The following DEUP1 variants were observed in gnomAD, a reference collection of about 807,000 sequenced individuals.
DEUP1 encodes the protein deuterosome assembly protein 1, also known as coiled-coil domain containing 67.
A neutral mutation model predicts 87.4 loss-of-function variants in DEUP1; 82 were observed. That is an observed-to-expected ratio of 0.94 (90% CI 0.78 to 1.13). The LOEUF (loss-of-function observed/expected upper bound fraction) is 1.13, where lower values mean the gene tolerates loss of function less well. Ranked by LOEUF, DEUP1 falls within the 50% of genes most tolerant of loss-of-function variation. The pLI is 0.00. For missense variants in DEUP1, 663 were observed against 681.5 expected, an observed-to-expected ratio of 0.97 and a Z score of 0.30; for synonymous variants, 214 against 222.7, an observed-to-expected ratio of 0.96 and a Z score of 0.35.
intron 9 of DEUP1, among the ~76,000 whole-genome samples, chr11:93,393,505 A>C (rs750091263): frequency 6.6e-6 from 1 of 151,968 alleles, no homozygotes; most frequent in Non-Finnish European, 1.5e-5. Context: ...TCTAATTGGC[A>C]TTCATTCATC....
intron 12 of DEUP1, chr11:93,411,151 G>A (rs2134429588): frequency 6.6e-6 from 1 of 152,306 alleles, no homozygotes; most frequent in Non-Finnish European, 1.5e-5. Flanking sequence ...GTTAATGCTA[G>A]CAACTGAAAA....
Position 93,332,269 on chromosome 11 carries a change from C to A in DEUP1, c.10C>A (p.Gln4Lys), listed in dbSNP as rs371385177. The change falls in exon 2 of 14, where the codon CAA (glutamine) becomes AAA (lysine). Residue 4 changes from glutamine to lysine, a missense_variant. Coordinates refer to ENST00000298050, the MANE Select transcript of DEUP1 (RefSeq NM_181645.4). ...GTAGCAGTTTCTTGACATGGAGAAC[C>A]AAGCCCATAATACGATGGGGTAAGT... MENQAHNTMGTSPC... is the reference protein window; with the variant it reads MENKAHNTMGTSPC... 3.4e-5 allele frequency: 55 copies of A among 1,607,970 alleles called. No homozygotes were observed. The African/African-American group carries it at 6.8e-4, about 20-fold the overall frequency.
rs895426891 is a variant in DEUP1 at position 93,393,810 on chromosome 11, A to G, written c.1042-649A>G. Among the ~76,000 whole-genome samples the G allele has an allele frequency of 2.0e-5, 3 of 152,194 alleles. No individual in the cohort carries two copies. The East Asian group carries it at 5.8e-4, about 29-fold the overall frequency. Reference sequence around the variant, plus strand: ...AAGACTTAAAAGAGGTTGAAATAGAATGGACAGAATTCATTGCCTGACCAG... The same window carrying G: ...AAGACTTAAAAGAGGTTGAAATAGAGTGGACAGAATTCATTGCCTGACCAG... On this transcript the variant is annotated intron_variant, in intron 9 of 13. Transcript: ENST00000298050.
intron 7 of DEUP1, among the ~76,000 whole-genome samples, chr11:93,379,665 T>TA (rs1946205094): frequency 6.6e-6 from 1 of 152,132 alleles, no homozygotes; most frequent in South Asian, 2.1e-4. Flanking sequence ...TTAATTAACT[T>TA]ACTCTTCTGA....
chr11:93,398,987 TGCTGGGATTACAGGTGTGA>T (rs1455346236), intron 11 of DEUP1, among the ~76,000 whole-genome samples: 1 of 152,134 alleles, frequency 6.6e-6, no homozygotes, highest in Admixed American at 6.5e-5. Context: ...CCTCCCAAAG[TGCTGGGATTACAGGTGTGA>T]GCCACCCCGT....
intron 2 of DEUP1, among the ~76,000 whole-genome samples, chr11:93,334,095 G>A (rs1400664080): frequency 6.6e-6 from 1 of 152,174 alleles, no homozygotes; most frequent in Non-Finnish European, 1.5e-5. Flanking sequence ...AGAGTTTTTA[G>A]AGGTTTTCCT....
At chr11:93,373,603 A>AC in intron 7 of DEUP1, among the ~76,000 whole-genome samples, 1 of 108,704 alleles carries the variant, frequency 9.2e-6, no homozygotes, top group Non-Finnish European at 1.9e-5. Context: ...ACGTATATAT[A>AC]TTTATATATG....
At chr11:93,343,568 TGTC>T (rs1207916457) in intron 2 of DEUP1, among the ~76,000 whole-genome samples, 1 of 152,244 alleles carries the variant, frequency 6.6e-6, no homozygotes, top group Non-Finnish European at 1.5e-5. Context: ...ATTTCACTGT[TGTC>T]TTCTCTCCTC....
At chr11:93,335,838 G>A (rs1243089945) in intron 2 of DEUP1, among the ~76,000 whole-genome samples, 1 of 152,182 alleles carries the variant, frequency 6.6e-6, no homozygotes, top group Non-Finnish European at 1.5e-5. Context: ...ATAGAGGCCA[G>A]GTGCAGTGGC....
At position 93,416,295 on chromosome 11, in the gene DEUP1, A is replaced by T. The variant is rs964981512; in HGVS notation, c.1638+1181A>T. ...TTGATAGACTGCTAACAAGACTAAT[A>T]AAGAAAAAAAGAGAGAAGAATCAAA... is the stretch of plus-strand genomic sequence containing the variant. On this transcript the variant is annotated intron_variant, in intron 13 of 13. Coordinates refer to ENST00000298050, the MANE Select transcript of DEUP1 (RefSeq NM_181645.4). Among the ~76,000 whole-genome samples the T allele has an allele frequency of 9.9e-5, 15 of 152,264 alleles. No individual in the cohort carries two copies. The East Asian group carries it at 2.7e-3, about 27-fold the overall frequency.
chr11:93,375,488 C>A (rs1037215723), intron 7 of DEUP1, among the ~76,000 whole-genome samples: 11 of 152,216 alleles, frequency 7.2e-5, no homozygotes, highest in Admixed American at 5.9e-4. Flanking sequence ...GGGTTTTAAT[C>A]ATAAAAGGAT....
chr11:93,430,739 G>A (rs915117809), intron 13 of DEUP1, among the ~76,000 whole-genome samples: 2 of 152,132 alleles, frequency 1.3e-5, no homozygotes, highest in African/African-American at 2.4e-5. Flanking sequence ...AATTGTATGT[G>A]AATTTTATCT....
At chr11:93,392,804 A>ACT (rs1946804937) in intron 9 of DEUP1, among the ~76,000 whole-genome samples, 1 of 151,798 alleles carries the variant, frequency 6.6e-6, no homozygotes, top group Admixed American at 6.6e-5. Context: ...CCTCTACTTA[A>ACT]CTCTCCAGCC....
At chr11:93,361,333 C>T (rs142565695) in intron 4 of DEUP1, among the ~76,000 whole-genome samples, 3 of 151,840 alleles carry the variant, frequency 2.0e-5, no homozygotes, top group Non-Finnish European at 4.4e-5. Flanking sequence ...AAGACATCAG[C>T]GAAGAAGTAA....
At chr11:93,414,328 A>G (rs906432015) in intron 12 of DEUP1, among the ~76,000 whole-genome samples, 6 of 152,154 alleles carry the variant, frequency 3.9e-5, no homozygotes. Context: ...CCTGGCTAAC[A>G]TGGTGAAGCC....
At chr11:93,341,421 A>G (rs566708469) in intron 2 of DEUP1, among the ~76,000 whole-genome samples, 3 of 152,290 alleles carry the variant, frequency 2.0e-5, no homozygotes, top group Admixed American at 2.0e-4. Context: ...CTCCCCAGCC[A>G]TGTGGAACTG....
intron 7 of DEUP1, among the ~76,000 whole-genome samples, chr11:93,372,709 G>A (rs1945803532): frequency 6.6e-6 from 1 of 152,136 alleles, no homozygotes; most frequent in African/African-American, 2.4e-5. Context: ...CTTTAAGGAG[G>A]GAGGTCTTAT....
intron 5 of DEUP1, among the ~76,000 whole-genome samples, chr11:93,368,350 T>G (rs1357563169): frequency 6.6e-6 from 1 of 152,220 alleles, no homozygotes; most frequent in Non-Finnish European, 1.5e-5. Flanking sequence ...TCAGAGTGCC[T>G]GTGTATTAAT....
At chr11:93,433,301 A>C (rs1948154109) in intron 13 of DEUP1, among the ~76,000 whole-genome samples, 2 of 152,206 alleles carry the variant, frequency 1.3e-5, no homozygotes, top group South Asian at 4.1e-4. Context: ...GGATTGCTTG[A>C]GCCCAAGAGT....
Sources: allele counts gnomAD v4.1 joint callset (sites outside exome capture counted in the v4.1 genomes callset), GRCh38; gene constraint gnomAD v4.1.1; transcripts MANE v1.5; gene names NCBI Gene and HGNC (gene_info 2026-07-23, HGNC 2026-07-21).